The following NTM variants were observed in gnomAD, a reference collection of about 807,000 sequenced individuals.
NTM encodes neurotrimin, also known as IgLON family member 2.
A neutral mutation model predicts 42.1 loss-of-function variants in NTM; 13 were observed. The observed-to-expected ratio is 0.31, with a 90% CI of 0.20 to 0.49. The LOEUF is 0.49. Ranked by LOEUF, NTM falls within the 20% of genes least tolerant of loss-of-function variation. The pLI, the probability that NTM is intolerant of heterozygous loss-of-function variation, is 0.99. For missense variants in NTM, 373 were observed against 452.8 expected (o/e 0.82, Z 1.60); for synonymous variants, 187 against 179.2 (o/e 1.04, Z -0.35).
intron 1 of NTM, among the ~76,000 whole-genome samples, chr11:131,395,537 T>A (rs1189671427): frequency 2.0e-5 from 3 of 152,176 alleles, no homozygotes; most frequent in Non-Finnish European, 4.4e-5. Flanking sequence ...GCAGGAGAAC[T>A]CCTGTGGCTA....
At chr11:132,037,177 G>T (rs538896176) in intron 2 of NTM, among the ~76,000 whole-genome samples, 3 of 151,776 alleles carry the variant, frequency 2.0e-5, no homozygotes, top group Non-Finnish European at 4.4e-5. Context: ...CTTCCTCTTG[G>T]GGGGTGAGTG....
intron 2 of NTM, among the ~76,000 whole-genome samples, chr11:132,108,795 G>C (rs1591564439): frequency 6.6e-6 from 1 of 152,076 alleles, no homozygotes; most frequent in South Asian, 2.1e-4. Flanking sequence ...ATTGTGGTTT[G>C]CTGCACCCAT....
chr11:132,082,061 T>TA (rs11358651), intron 2 of NTM, among the ~76,000 whole-genome samples: 61 of 143,822 alleles, frequency 4.2e-4, no homozygotes, highest in East Asian at 1.2e-3. Context: ...AATTAAAAGA[T>TA]AAAAAAAAAA....
chr11:132,110,804 G>A (rs181082428), intron 2 of NTM, among the ~76,000 whole-genome samples: 2 of 151,918 alleles, frequency 1.3e-5, no homozygotes, highest in African/African-American at 4.8e-5. Context: ...TGAGGCTGAG[G>A]TGGGAGGATC....
At chr11:131,726,402 C>G (rs1460167317) in intron 1 of NTM, among the ~76,000 whole-genome samples, 2 of 145,124 alleles carry the variant, frequency 1.4e-5, no homozygotes, top group African/African-American at 5.8e-5. Context: ...CCCTCTCACA[C>G]TTGGATTGCT....
chr11:131,438,652 T>C (rs2084437), intron 1 of NTM, among the ~76,000 whole-genome samples: 144,392 of 152,248 alleles, frequency 0.95, 68,519 homozygotes, highest in East Asian at 1. Flanking sequence ...AAGGTCTTCT[T>C]CACACTGTTT....
At chr11:132,139,707 G>T (rs954199311) in intron 2 of NTM, among the ~76,000 whole-genome samples, 2 of 152,164 alleles carry the variant, frequency 1.3e-5, no homozygotes, top group Admixed American at 1.3e-4. Flanking sequence ...ATTTGTGAGT[G>T]CAGGTTGGTG....
rs374148754 is a variant in NTM at position 131,973,335 on chromosome 11, T to C, written c.167+61687T>C. 2.1e-4 allele frequency among the ~76,000 whole-genome samples: 32 copies of C among 152,328 alleles called. No individual in the cohort carries two copies. In the East Asian group the frequency reaches 5.8e-3, roughly 28 times the overall value. On this transcript the variant is annotated intron_variant, in intron 2 of 8. Coordinates refer to ENST00000683400, the MANE Select transcript of NTM (RefSeq NM_001352005.2). ...GAATTTCAAAGCCTAGAATTCTAAA[T>C]GTGAGGCCTCTCACTTAGCTCTTAC...
chr11:131,789,827 G>A (rs748196979), intron 1 of NTM, among the ~76,000 whole-genome samples: 4 of 150,720 alleles, frequency 2.7e-5, no homozygotes, highest in Non-Finnish European at 4.4e-5. Context: ...GTGGTGGCGG[G>A]AGCCTGTAGT....
chr11:132,170,488 C>G (rs1459094368), intron 3 of NTM, among the ~76,000 whole-genome samples: 1 of 152,178 alleles, frequency 6.6e-6, no homozygotes, highest in East Asian at 1.9e-4. Context: ...TTGGTTACTT[C>G]TTTATAACCA....
chr11:132,262,767 C>A (rs1314518757), intron 4 of NTM, among the ~76,000 whole-genome samples: 1 of 152,172 alleles, frequency 6.6e-6, no homozygotes, highest in Admixed American at 6.5e-5. Flanking sequence ...AAATGTATGT[C>A]CTTCTTACAT....
At chr11:131,766,933 C>T (rs1238929077) in intron 1 of NTM, among the ~76,000 whole-genome samples, 2 of 152,120 alleles carry the variant, frequency 1.3e-5, no homozygotes, top group Non-Finnish European at 1.5e-5. Flanking sequence ...GGATATTTCC[C>T]GTCCTTTTTT....
At chr11:131,849,335 C>T (rs2045266544) in intron 1 of NTM, among the ~76,000 whole-genome samples, 1 of 152,144 alleles carries the variant, frequency 6.6e-6, no homozygotes, top group Admixed American at 6.5e-5. Context: ...ATTCTGCAGG[C>T]TGTCTAAGCA....
chr11:132,267,771 GGCAGATGTTGCA>G (rs1420592896), intron 4 of NTM, among the ~76,000 whole-genome samples: 1 of 151,710 alleles, frequency 6.6e-6, no homozygotes, highest in Non-Finnish European at 1.5e-5. Context: ...GAACTGGGGA[GGCAGATGTTGCA>G]GCGAGCCGAG....
intron 1 of NTM, among the ~76,000 whole-genome samples, chr11:131,612,268 A>G (rs1434639751): frequency 6.6e-6 from 1 of 152,256 alleles, no homozygotes; most frequent in Non-Finnish European, 1.5e-5. Context: ...CCTGAAGCAG[A>G]ACTGCTCAGC....
chr11:131,765,119 G>A (rs2084902880), intron 1 of NTM, among the ~76,000 whole-genome samples: 1 of 152,110 alleles, frequency 6.6e-6, no homozygotes, highest in South Asian at 2.1e-4. Flanking sequence ...TGCTCTGTAT[G>A]AGAGCCGTCC....
intron 1 of NTM, among the ~76,000 whole-genome samples, chr11:131,476,926 CTT>C (rs1250132805): frequency 6.6e-6 from 1 of 152,118 alleles, no homozygotes; most frequent in Admixed American, 6.6e-5. Flanking sequence ...TTAGGAATGT[CTT>C]TCCTCTTTGG....
At position 131,863,476 on chromosome 11, in the gene NTM, G is replaced by A. The variant is rs540039610; in HGVS notation, c.83-48088G>A. 9.2e-5 allele frequency among the ~76,000 whole-genome samples: 14 copies of A among 152,278 alleles called. No individual in the cohort carries two copies. In the South Asian group the frequency reaches 2.3e-3, roughly 25 times the overall value. On this transcript the variant is annotated intron_variant, in intron 1 of 8. Transcript: ENST00000683400. ...GTACTGTAACCTGGGTCCAGGAAGC[G>A]ATGCTCCAAGTCACTCAGCCACTCC... is the stretch of plus-strand genomic sequence containing the variant.
At chr11:131,969,301 A>G (rs1442070405) in intron 2 of NTM, among the ~76,000 whole-genome samples, 1 of 152,182 alleles carries the variant, frequency 6.6e-6, no homozygotes, top group East Asian at 1.9e-4. Context: ...GGGCTTCATG[A>G]GAGCTGGAGG....
Sources: gnomAD v4.1 joint callset for allele counts (sites outside exome capture counted in the v4.1 genomes callset) on GRCh38, gnomAD v4.1.1 for gene constraint, MANE v1.5 for transcripts, NCBI Gene and HGNC (gene_info 2026-07-23, HGNC 2026-07-21) for gene names.